ACSS3: variants seen among roughly 807,000 people sequenced by gnomAD.
The protein encoded by ACSS3 is acyl-CoA synthetase short chain family member 3.
ACSS3 carries 64 observed loss-of-function variants against 84.2 expected under a neutral mutation model. The observed-to-expected ratio is 0.76, with a 90% CI of 0.62 to 0.94. The LOEUF (loss-of-function observed/expected upper bound fraction) is 0.94, where lower values mean the gene tolerates loss of function less well. ACSS3 is among the 40% of genes least tolerant of loss of function. The pLI, the probability that ACSS3 is intolerant of heterozygous loss-of-function variation, is 0.00. For missense variants in ACSS3, 815 were observed against 867.6 expected, an observed-to-expected ratio of 0.94 and a Z score of 0.76; for synonymous variants, 317 against 310.1, an observed-to-expected ratio of 1.02 and a Z score of -0.23.
chr12:81,107,560 A>ATATATATATATT (rs1256549775), intron 1 of ACSS3, among the ~76,000 whole-genome samples: 1 of 98,704 alleles, frequency 1.0e-5, no homozygotes, highest in African/African-American at 3.7e-5. Flanking sequence ...ATATATATAT[A>ATATATATATATT]AATGTTTTTG....
intron 9 of ACSS3, among the ~76,000 whole-genome samples, chr12:81,213,955 C>CTCTCTTTCTT (rs1380913155): frequency 2.9e-5 from 1 of 34,052 alleles, no homozygotes; most frequent in South Asian, 1.1e-3. Context: ...CTCTCCCTCT[C>CTCTCTTTCTT]TCTCTTTCTT....
At chr12:81,086,979 G>A (rs1881359799) in intron 1 of ACSS3, among the ~76,000 whole-genome samples, 1 of 152,038 alleles carries the variant, frequency 6.6e-6, no homozygotes, top group African/African-American at 2.4e-5. Flanking sequence ...AATTATATTT[G>A]TTTTTGTCAG....
At chr12:81,191,112 A>G (rs1331362615) in intron 8 of ACSS3, among the ~76,000 whole-genome samples, 1 of 152,054 alleles carries the variant, frequency 6.6e-6, no homozygotes, top group Non-Finnish European at 1.5e-5. Context: ...ATACATGCAC[A>G]GCCTCCCCTA....
chr12:81,196,764 G>C (rs1170486212), intron 8 of ACSS3, among the ~76,000 whole-genome samples: 2 of 152,048 alleles, frequency 1.3e-5, no homozygotes, highest in African/African-American at 4.8e-5. Context: ...CTCACATAGC[G>C]AGAGAGGAAG....
intron 12 of ACSS3, 56 bp downstream of exon 12, chr12:81,231,194 C>A: frequency 7.3e-7 from 1 of 1,370,890 alleles, no homozygotes; most frequent in Non-Finnish European, 1.0e-6. Flanking sequence ...TAATTCTTGC[C>A]TATTAAATTG....
At chr12:81,086,937 G>T (rs577908979) in intron 1 of ACSS3, among the ~76,000 whole-genome samples, 1 of 152,090 alleles carries the variant, frequency 6.6e-6, no homozygotes, top group African/African-American at 2.4e-5. Flanking sequence ...TCTAAACTAC[G>T]TGGATAGGGA....
At chr12:81,082,469 G>A (rs565987913) in intron 1 of ACSS3, among the ~76,000 whole-genome samples, 1 of 152,284 alleles carries the variant, frequency 6.6e-6, no homozygotes, top group African/African-American at 2.4e-5. Flanking sequence ...ATGAGTAGGA[G>A]TTAGACATGT....
chr12:81,159,155 CAG>C (rs1369908536), intron 7 of ACSS3, among the ~76,000 whole-genome samples: 16 of 152,112 alleles, frequency 1.1e-4, no homozygotes, highest in Non-Finnish European at 1.0e-4. Flanking sequence ...GTTTTATAGA[CAG>C]AGATTTACTT....
intron 15 of ACSS3, 117 bp downstream of exon 15, chr12:81,253,787 T>C: frequency 4.1e-6 from 4 of 982,232 alleles, no homozygotes; most frequent in Non-Finnish European, 5.9e-6. Context: ...AGAAAACACA[T>C]AATAGTACTA....
At chr12:81,253,000 CATTAATA>C (rs1218563214) in intron 13 of ACSS3, among the ~76,000 whole-genome samples, 1 of 152,160 alleles carries the variant, frequency 6.6e-6, no homozygotes, top group Non-Finnish European at 1.5e-5. Context: ...TCTCTGACTT[CATTAATA>C]AACTGAGACA....
At chr12:81,117,404 G>A (rs1324921683) in intron 2 of ACSS3, among the ~76,000 whole-genome samples, 1 of 152,128 alleles carries the variant, frequency 6.6e-6, no homozygotes, top group Non-Finnish European at 1.5e-5. Context: ...CCTGCCATTT[G>A]AGATAGGCTT....
intron 8 of ACSS3, among the ~76,000 whole-genome samples, chr12:81,198,516 A>C (rs1261146128): frequency 6.6e-6 from 1 of 151,850 alleles, no homozygotes; most frequent in East Asian, 1.9e-4. Context: ...CTTTGATGAT[A>C]AATGAATTAA....
intron 5 of ACSS3, among the ~76,000 whole-genome samples, chr12:81,144,250 G>A (rs930705159): frequency 5.9e-5 from 9 of 152,052 alleles, no homozygotes; most frequent in Non-Finnish European, 8.8e-5. Context: ...GAGGACACAG[G>A]TTATGTTTTA....
At chr12:81,086,915 T>A (rs1314292263) in intron 1 of ACSS3, among the ~76,000 whole-genome samples, 1 of 152,160 alleles carries the variant, frequency 6.6e-6, no homozygotes, top group East Asian at 1.9e-4. Flanking sequence ...AATGTGGAGC[T>A]CAAATCCTTT....
intron 2 of ACSS3, among the ~76,000 whole-genome samples, chr12:81,116,971 T>A (rs943049787): frequency 1.6e-4 from 24 of 152,174 alleles, no homozygotes; most frequent in African/African-American, 5.8e-4. Context: ...TTTAAAGCCC[T>A]GATTAAAATA....
rs147580102 is a variant in ACSS3, at chr12:81,105,827, A to C, written c.312-3733A>C. 4.1e-3 allele frequency among the ~76,000 whole-genome samples: 620 copies of C among 152,330 alleles called. 5 individuals are homozygous for C. Among genetic ancestry groups the C allele is most frequent in the African/African-American group, 0.014 (590 of 41,576 alleles). ...TAGATTACAGTGTAATGAAGGAAAC[A>C]TCTGAGTGGAGCAATGTTCTAAGTT... On this transcript the variant is annotated intron_variant, in intron 1 of 15. Coordinates refer to ENST00000548058, the MANE Select transcript of ACSS3 (RefSeq NM_024560.4).
chr12:81,140,245 TGAAG>T (rs1409301836), intron 4 of ACSS3, among the ~76,000 whole-genome samples: 5 of 152,200 alleles, frequency 3.3e-5, no homozygotes, highest in African/African-American at 1.2e-4. Context: ...CTGTGATCTA[TGAAG>T]GAAGGGAGAA....
chr12:81,186,503 G>T (rs1005292877), intron 8 of ACSS3, among the ~76,000 whole-genome samples: 1 of 151,632 alleles, frequency 6.6e-6, no homozygotes, highest in Non-Finnish European at 1.5e-5. Flanking sequence ...AACTCATACA[G>T]TTCAATCGTG....
chr12:81,212,224 GA>G (rs1348802667), intron 9 of ACSS3, among the ~76,000 whole-genome samples: 1 of 152,186 alleles, frequency 6.6e-6, no homozygotes, highest in Non-Finnish European at 1.5e-5. Flanking sequence ...TCCCCAGTTA[GA>G]AATTGGGAGG....
Sources: gnomAD v4.1 joint callset for allele counts (sites outside exome capture counted in the v4.1 genomes callset) on GRCh38, gnomAD v4.1.1 for gene constraint, MANE v1.5 for transcripts, NCBI Gene and HGNC (gene_info 2026-07-23, HGNC 2026-07-21) for gene names.